PRKCH: variants seen among roughly 807,000 people sequenced by gnomAD.
PRKCH encodes protein kinase C eta, also known as protein kinase C eta type.
A neutral mutation model predicts 82.5 loss-of-function variants in PRKCH; 28 were observed. That is an observed-to-expected ratio of 0.34 (90% CI 0.25 to 0.47). The LOEUF is 0.47. PRKCH is among the 20% of genes least tolerant of loss of function. The probability of loss-of-function intolerance (pLI) is 1.00; values close to 1 mark genes in which losing one functional copy is unlikely to be tolerated. For synonymous variants in PRKCH, 322 were observed against 327.4 expected (o/e 0.98, Z 0.18); for missense variants, 705 against 881.8 (o/e 0.80, Z 2.54).
At chr14:61,526,160 T>C (rs770812834) in intron 10 of PRKCH, among the ~76,000 whole-genome samples, 5 of 152,180 alleles carry the variant, frequency 3.3e-5, no homozygotes, top group African/African-American at 4.8e-5. Flanking sequence ...GCTCATATTG[T>C]ATTTATGTGG....
chr14:61,530,301 T>TA (rs1469353627), intron 11 of PRKCH, 106 bp from the exon 12 acceptor site: 4 of 1,152,654 alleles, frequency 3.5e-6, no homozygotes, highest in African/African-American at 1.5e-5. Flanking sequence ...GAGACTTTTT[T>TA]AAAAAAACTT....
chr14:61,548,299 T>A (rs973990339), intron 13 of PRKCH, among the ~76,000 whole-genome samples: 1 of 152,356 alleles, frequency 6.6e-6, no homozygotes, highest in South Asian at 2.1e-4. Context: ...GGGTAGGAGA[T>A]GTTGCTCACT....
intron 1 of PRKCH, among the ~76,000 whole-genome samples, chr14:61,210,786 C>A (rs200097550): frequency 9.6e-6 from 1 of 104,024 alleles, no homozygotes. Context: ...CTCTCTCTCT[C>A]TCTCTGTGTG....
intron 7 of PRKCH, among the ~76,000 whole-genome samples, chr14:61,454,054 CAGAA>C (rs1884643972): frequency 6.6e-6 from 1 of 151,900 alleles, no homozygotes; most frequent in African/African-American, 2.4e-5. Flanking sequence ...AAGTAATAAA[CAGAA>C]AGCAAAAGAA....
At chr14:61,446,782 T>A (rs116396597) in intron 4 of PRKCH, among the ~76,000 whole-genome samples, 1 of 152,388 alleles carries the variant, frequency 6.6e-6, no homozygotes, top group South Asian at 2.1e-4. Flanking sequence ...GAATATGCCC[T>A]GCAGTCCATG....
chr14:61,252,377 T>C (rs1038440736), intron 1 of PRKCH, among the ~76,000 whole-genome samples: 1 of 152,216 alleles, frequency 6.6e-6, no homozygotes, highest in Non-Finnish European at 1.5e-5. Flanking sequence ...ATTTGGGATC[T>C]GGTCTCAACA....
At chr14:61,336,337 C>T (rs1456082461) in intron 1 of PRKCH, among the ~76,000 whole-genome samples, 2 of 152,184 alleles carry the variant, frequency 1.3e-5, no homozygotes, top group African/African-American at 2.4e-5. Flanking sequence ...GAGAAGATGG[C>T]TTCCTTATCC....
At chr14:61,252,526 A>G (rs2140073903) in intron 1 of PRKCH, among the ~76,000 whole-genome samples, 1 of 152,300 alleles carries the variant, frequency 6.6e-6, no homozygotes, top group African/African-American at 2.4e-5. Context: ...GCACTCACTG[A>G]GGCCAAGCTC....
At chr14:61,328,078 GT>G (rs1421815935) in intron 1 of PRKCH, among the ~76,000 whole-genome samples, 1 of 151,246 alleles carries the variant, frequency 6.6e-6, no homozygotes, top group African/African-American at 2.4e-5. Context: ...GTGAAACCCC[GT>G]CTCTACTAAA....
intron 4 of PRKCH, 80 bp from the exon 5 acceptor site, chr14:61,449,084 G>T: frequency 1.5e-6 from 2 of 1,337,030 alleles, no homozygotes. Flanking sequence ...TTGGCACGGT[G>T]CAGCCCTGGT....
At chr14:61,430,463 A>G (rs1270819845) in intron 2 of PRKCH, among the ~76,000 whole-genome samples, 3 of 152,240 alleles carry the variant, frequency 2.0e-5, no homozygotes, top group African/African-American at 7.2e-5. Flanking sequence ...TTTACCCAAG[A>G]CAAATGAAGC....
intron 13 of PRKCH, among the ~76,000 whole-genome samples, chr14:61,548,489 G>T (rs1341298166): frequency 6.6e-6 from 1 of 152,232 alleles, no homozygotes; most frequent in African/African-American, 2.4e-5. Flanking sequence ...TGTGGTCTGA[G>T]AGCTGAGCTC....
At chr14:61,345,549 G>A (rs904172003) in intron 1 of PRKCH, among the ~76,000 whole-genome samples, 4 of 152,188 alleles carry the variant, frequency 2.6e-5, no homozygotes, top group African/African-American at 9.7e-5. Context: ...AGCAGGGAAG[G>A]CGAGCAGAGG....
intron 1 of PRKCH, among the ~76,000 whole-genome samples, chr14:61,211,846 C>T (rs1306474527): frequency 6.6e-6 from 1 of 152,142 alleles, no homozygotes; most frequent in African/African-American, 2.4e-5. Context: ...CAGTAAAATC[C>T]CTTGAAACTC....
At chr14:61,217,980 AT>A in intron 1 of PRKCH, among the ~76,000 whole-genome samples, 1 of 152,208 alleles carries the variant, frequency 6.6e-6, no homozygotes, top group African/African-American at 2.4e-5. Flanking sequence ...TCTTCTGTTT[AT>A]TTCTCTGGCA....
At chr14:61,340,721 C>T (rs918357836) in intron 1 of PRKCH, among the ~76,000 whole-genome samples, 4 of 152,186 alleles carry the variant, frequency 2.6e-5, no homozygotes, top group South Asian at 2.1e-4. Flanking sequence ...GCTGGACAGA[C>T]CTGCTTGGAC....
chr14:61,285,809 A>C (rs962333324), intron 1 of PRKCH, among the ~76,000 whole-genome samples: 2 of 152,144 alleles, frequency 1.3e-5, no homozygotes, highest in South Asian at 4.2e-4. Context: ...TGTTTCTTCA[A>C]CCATGCTACA....
intron 9 of PRKCH, among the ~76,000 whole-genome samples, chr14:61,463,851 A>G (rs1421969598): frequency 6.6e-6 from 1 of 152,242 alleles, no homozygotes; most frequent in Non-Finnish European, 1.5e-5. Flanking sequence ...GCTTATTTCA[A>G]ATAATACAAT....
At chr14:61,520,074 CAAAAAAAA>C (rs71992585) in intron 10 of PRKCH, among the ~76,000 whole-genome samples, 1 of 97,430 alleles carries the variant, frequency 1.0e-5, no homozygotes, top group African/African-American at 3.3e-5. Context: ...CTACAGAAAC[CAAAAAAAA>C]AAAAAAAAGA....
Sources: gnomAD v4.1 joint callset for allele counts (sites outside exome capture counted in the v4.1 genomes callset) on GRCh38, gnomAD v4.1.1 for gene constraint, MANE v1.5 for transcripts, NCBI Gene and HGNC (gene_info 2026-07-23, HGNC 2026-07-21) for gene names.